Variants in OSBPL9 observed in about 807,000 individuals in gnomAD.
OSBPL9 encodes the protein oxysterol-binding protein-related protein 9.
In OSBPL9, 40 loss-of-function variants were observed where a neutral mutation model predicts 106.6. That is an observed-to-expected ratio of 0.38 (90% CI 0.29 to 0.49). OSBPL9 has a LOEUF of 0.49. Among genes scored for constraint, OSBPL9 ranks in the 20% least tolerant of loss-of-function variants. The pLI is 0.97. For synonymous variants in OSBPL9, 269 were observed against 295.4 expected (o/e 0.91, Z 0.92); for missense variants, 609 against 887.2 (o/e 0.69, Z 3.98).
intron 1 of OSBPL9, among the ~76,000 whole-genome samples, chr1:51,581,433 C>T (rs1288449122): frequency 6.6e-6 from 1 of 152,186 alleles, no homozygotes; most frequent in East Asian, 1.9e-4. Context: ...TGCAAAGTTA[C>T]TCTTTTTTCC....
At chr1:51,585,178 A>AG (rs892433578) in intron 1 of OSBPL9, among the ~76,000 whole-genome samples, 1 of 151,108 alleles carries the variant, frequency 6.6e-6, no homozygotes, top group Non-Finnish European at 1.5e-5. Flanking sequence ...CATCTCTTAA[A>AG]AAAAAAAAAA....
At position 51,638,567 on chromosome 1, in the gene OSBPL9, A is replaced by T. The variant is rs12082868; in HGVS notation, c.112-13424A>T. Among the ~76,000 whole-genome samples, 1,366 of 151,872 alleles carry T rather than the reference A, an allele frequency of 9.0e-3. 15 individuals carry two copies. The highest frequency in any genetic ancestry group is 0.031 in the African/African-American group (1,276 of 41,396). ...GTGAGACTCTACCTGTATAAAAAAA[A>T]TTTTTTTTAAAGAAAAGAAAGGCGG... On this transcript the variant is annotated intron_variant, in intron 1 of 23. Transcript: ENST00000428468.
At chr1:51,751,926 C>T (rs1443585434) in intron 8 of OSBPL9, among the ~76,000 whole-genome samples, 4 of 152,124 alleles carry the variant, frequency 2.6e-5, no homozygotes, top group African/African-American at 4.8e-5. Flanking sequence ...ACTTGGATCA[C>T]GTAAATGAAA....
At chr1:51,771,517 C>G (rs11205887) in intron 12 of OSBPL9, among the ~76,000 whole-genome samples, 37,271 of 151,916 alleles carry the variant, frequency 0.25, 6,345 homozygotes, top group African/African-American at 0.47. Context: ...ACACTTCCAT[C>G]GGTAAATTAT....
chr1:51,745,491 T>A (rs41296181), intron 4 of OSBPL9, 45 bp from the exon 5 acceptor site: 20,242 of 1,594,566 alleles, frequency 0.013, 176 homozygotes, highest in African/African-American at 0.045. Context: ...ACTATTAAAC[T>A]TTGCTTGGGT....
At chr1:51,700,155 G>A (rs1030650102) in intron 3 of OSBPL9, among the ~76,000 whole-genome samples, 2 of 152,166 alleles carry the variant, frequency 1.3e-5, no homozygotes, top group African/African-American at 4.8e-5. Context: ...TGTGCCATGC[G>A]GAGCCTGTTC....
chr1:51,780,254 T>A (rs1676057914), intron 15 of OSBPL9, among the ~76,000 whole-genome samples: 1 of 151,720 alleles, frequency 6.6e-6, no homozygotes, highest in Admixed American at 6.6e-5. Flanking sequence ...AGGGAACACT[T>A]TTACACTGCT....
At chr1:51,569,131 T>C in the OSBPL9 span, among the ~76,000 whole-genome samples, 1 of 152,158 alleles carries the variant, frequency 6.6e-6, no homozygotes, top group South Asian at 2.1e-4. Context: ...CATATTTAGG[T>C]TACAGATACA....
At chr1:51,649,300 T>C (rs1297799381) in intron 1 of OSBPL9, among the ~76,000 whole-genome samples, 1 of 152,050 alleles carries the variant, frequency 6.6e-6, no homozygotes, top group Non-Finnish European at 1.5e-5. Flanking sequence ...AGAGATAGGG[T>C]TTCACCACGT....
the OSBPL9 span, among the ~76,000 whole-genome samples, chr1:51,564,435 A>G: frequency 2.6e-5 from 4 of 151,972 alleles, no homozygotes; most frequent in South Asian, 8.3e-4. Flanking sequence ...GTATCCCAGT[A>G]TGCTCCCAGG....
the OSBPL9 span, among the ~76,000 whole-genome samples, chr1:51,568,085 G>T: frequency 6.6e-6 from 1 of 152,216 alleles, no homozygotes; most frequent in Non-Finnish European, 1.5e-5. Context: ...CAACAATGGG[G>T]TTCTACCCCT....
the OSBPL9 span, chr1:51,519,162 G>A: frequency 5.6e-6 from 8 of 1,417,148 alleles, no homozygotes; most frequent in Admixed American, 1.1e-4. Context: ...AGGGGGCACC[G>A]GCCGGCCAAG....
At chr1:51,763,671 C>T (rs748701991) in intron 11 of OSBPL9, among the ~76,000 whole-genome samples, 1 of 152,038 alleles carries the variant, frequency 6.6e-6, no homozygotes, top group Non-Finnish European at 1.5e-5. Context: ...TGGGCAGTTG[C>T]CTTTGAATTT....
At chr1:51,541,286 A>G in the OSBPL9 span, among the ~76,000 whole-genome samples, 1 of 152,142 alleles carries the variant, frequency 6.6e-6, no homozygotes, top group Non-Finnish European at 1.5e-5. Flanking sequence ...CTCTAGAAAT[A>G]TCTGTTGTCT....
In OSBPL9 at chr1:51,682,007, G is replaced by A. The variant is rs527468375; in HGVS notation, c.241+12495G>A. 5.9e-5 allele frequency among the ~76,000 whole-genome samples: 9 copies of A among 152,162 alleles called. No individual in the cohort carries two copies. In the East Asian group the frequency reaches 1.7e-3, roughly 29 times the overall value. ...ACCTGAGGTCAGGAGTTCGAAACCAGCCTGGGCAACATGGCAAAACCCTGT... is the reference window on the plus strand; with the variant it reads ...ACCTGAGGTCAGGAGTTCGAAACCAACCTGGGCAACATGGCAAAACCCTGT... On this transcript the variant is annotated intron_variant, in intron 3 of 23. Coordinates refer to ENST00000428468, the MANE Select transcript of OSBPL9 (RefSeq NM_024586.6).
chr1:51,755,303 T>C (rs1670094119), intron 8 of OSBPL9, among the ~76,000 whole-genome samples: 1 of 152,218 alleles, frequency 6.6e-6, no homozygotes, highest in Admixed American at 6.5e-5. Context: ...TACAAAATTG[T>C]ACAGCCATCA....
At chr1:51,698,014 T>C (rs1262971306) in intron 3 of OSBPL9, among the ~76,000 whole-genome samples, 1 of 152,080 alleles carries the variant, frequency 6.6e-6, no homozygotes, top group East Asian at 1.9e-4. Context: ...GGCATCGTGG[T>C]AAATATTGTA....
chr1:51,574,790 C>T (rs1041944906), upstream of OSBPL9, among the ~76,000 whole-genome samples: 3 of 151,770 alleles, frequency 2.0e-5, no homozygotes, highest in Non-Finnish European at 4.4e-5. Flanking sequence ...ATAAAATCAG[C>T]TCACCAAGTA....
chr1:51,666,134 C>T (rs1006279484), intron 2 of OSBPL9, among the ~76,000 whole-genome samples: 3 of 152,138 alleles, frequency 2.0e-5, no homozygotes, highest in Non-Finnish European at 2.9e-5. Flanking sequence ...AGGTGTGAGC[C>T]GCCGCACCCG....
Sources: gnomAD v4.1 joint callset for allele counts (sites outside exome capture counted in the v4.1 genomes callset) on GRCh38, gnomAD v4.1.1 for gene constraint, MANE v1.5 for transcripts, NCBI Gene and HGNC (gene_info 2026-07-23, HGNC 2026-07-21) for gene names.